The following NUDCD3 variants were observed in gnomAD, a reference collection of about 807,000 sequenced individuals.
NUDCD3 encodes nudC domain-containing protein 3.
A neutral mutation model predicts 39.7 loss-of-function variants in NUDCD3; 13 were observed. The ratio of observed to expected loss-of-function variants is 0.33; its 90% CI spans 0.21 to 0.52. NUDCD3 has a LOEUF of 0.52. Ranked by LOEUF, NUDCD3 falls within the 20% of genes least tolerant of loss-of-function variation. The probability of loss-of-function intolerance (pLI) is 0.96; values close to 1 mark genes in which losing one functional copy is unlikely to be tolerated. For missense variants in NUDCD3, 453 were observed against 458.1 expected, an observed-to-expected ratio of 0.99 and a Z score of 0.10; for synonymous variants, 175 against 172.4, an observed-to-expected ratio of 1.02 and a Z score of -0.12.
At chr7:44,393,905 G>A (rs1261794950) in intron 4 of NUDCD3, among the ~76,000 whole-genome samples, 1 of 152,160 alleles carries the variant, frequency 6.6e-6, no homozygotes, top group Admixed American at 6.5e-5. Context: ...CCAAGAGGGA[G>A]CACTGGAGAC....
intron 4 of NUDCD3, among the ~76,000 whole-genome samples, chr7:44,399,756 A>G (rs1374929245): frequency 6.6e-6 from 1 of 152,220 alleles, no homozygotes; most frequent in Admixed American, 6.5e-5. Context: ...CTGCAGTTAC[A>G]CTAGAATTCC....
rs374764975 is a variant in NUDCD3 at position 44,383,863 on chromosome 7, G to T, written c.*2148C>A. On this transcript the variant is annotated 3_prime_UTR_variant, in exon 6 of 6. Coordinates refer to ENST00000355451, the MANE Select transcript of NUDCD3 (RefSeq NM_015332.4). ...CACCAGACAGCGTGGCTCAACGGGA[G>T]CAAGGCGCGCAGGGACAGGCTCCAC... 3 of 152,282 alleles carry T rather than the reference G, an allele frequency of 2.0e-5. No individual in the cohort carries two copies. The East Asian group carries it at 5.8e-4, about 29-fold the overall frequency. The allele number at this position is 152,282 out of a possible 1,614,324, so 9.4% of individuals were successfully genotyped here.
rs139603553 is a variant in NUDCD3, at chr7:44,442,042, C to T, written c.510-14339G>A. 4.6e-5 allele frequency among the ~76,000 whole-genome samples: 7 copies of T among 152,300 alleles called. No homozygotes were observed. The East Asian group carries it at 1.3e-3, about 29-fold the overall frequency. ...TTATAAAACTTACAAAATGGGAGCA[C>T]ATGAGTACCTTCCTCAAAGATGTTC... On this transcript the variant is annotated intron_variant, in intron 2 of 5. Coordinates refer to ENST00000355451, the MANE Select transcript of NUDCD3 (RefSeq NM_015332.4).
At chr7:44,429,767 A>G (rs1799316696) in intron 2 of NUDCD3, among the ~76,000 whole-genome samples, 1 of 152,206 alleles carries the variant, frequency 6.6e-6, no homozygotes, top group Non-Finnish European at 1.5e-5. Context: ...TGACATACAG[A>G]AACCAGGAGT....
At chr7:44,468,087 A>G (rs531421559) in intron 2 of NUDCD3, 5 of 1,611,800 alleles carry the variant, frequency 3.1e-6, no homozygotes, top group African/African-American at 2.7e-5. Flanking sequence ...GGGAGCAACA[A>G]AAAAACAAAG....
chr7:44,392,416 C>T lies in NUDCD3; in HGVS notation c.856G>A (p.Asp286Asn). ...ILEGEEPIDI[D>N]KINKERSMAT... Reference sequence around the variant, plus strand: ...ATGGAGCGCTCCTTGTTGATCTTGTCAATGTCGATGGGCTCTTCTCCCTCC... The same window carrying T: ...ATGGAGCGCTCCTTGTTGATCTTGTTAATGTCGATGGGCTCTTCTCCCTCC... The change falls in exon 5 of 6, where the codon GAC becomes AAC. Residue 286 changes from aspartate to asparagine, a missense_variant. Coordinates refer to ENST00000355451, the MANE Select transcript of NUDCD3 (RefSeq NM_015332.4). 1 of 1,614,152 alleles carries T rather than the reference C, an allele frequency of 6.2e-7. No individual in the cohort carries two copies. The highest frequency in any genetic ancestry group is 8.5e-7 in the Non-Finnish European group (1 of 1,180,018).
chr7:44,486,933 T>G (rs930714984), intron 1 of NUDCD3, among the ~76,000 whole-genome samples: 5 of 152,178 alleles, frequency 3.3e-5, no homozygotes. Context: ...GGAAGAGAAC[T>G]CTAATCTGTA....
chr7:44,394,885 C>G (rs115560367), intron 4 of NUDCD3, among the ~76,000 whole-genome samples: 1 of 152,184 alleles, frequency 6.6e-6, no homozygotes, highest in Non-Finnish European at 1.5e-5. Context: ...TCCAAACACA[C>G]ACCCAGAGTG....
chr7:44,446,391 A>G (rs1799691277), intron 2 of NUDCD3, among the ~76,000 whole-genome samples: 1 of 152,240 alleles, frequency 6.6e-6, no homozygotes, highest in Admixed American at 6.5e-5. Flanking sequence ...ATCTCTGCAA[A>G]CAGTACTTTT....
chr7:44,424,938 T>C (rs1043746546), intron 3 of NUDCD3, among the ~76,000 whole-genome samples: 1 of 152,214 alleles, frequency 6.6e-6, no homozygotes, highest in Non-Finnish European at 1.5e-5. Flanking sequence ...GTAGCATATA[T>C]ACACCACGGA....
In NUDCD3 at chr7:44,383,303, AC is replaced by A. The variant is rs1798340698; in HGVS notation, c.*2707del. ...TGGAATCATTCCCAACTCTGCACTC[AC>A]CCTAAGCTTTCCAGTAACTACAGAA... On this transcript the variant is annotated 3_prime_UTR_variant, in exon 6 of 6. Transcript: ENST00000355451. The A allele has an allele frequency of 6.6e-6, 1 of 152,254 alleles. No homozygotes were observed. The highest frequency in any genetic ancestry group is 2.4e-5 in the African/African-American group (1 of 41,454). 9.4% of individuals were successfully genotyped at this position (152,254 alleles called of 1,614,324 possible).
chr7:44,382,566 C>G lies in NUDCD3; in HGVS notation c.*3445G>C, dbSNP rs1798323170. 1 of 152,324 alleles carries G rather than the reference C, an allele frequency of 6.6e-6. No homozygotes were observed. The highest frequency in any genetic ancestry group is 2.1e-4 in the South Asian group (1 of 4,834). The allele number at this position is 152,324 out of a possible 1,614,324, so 9.4% of individuals were successfully genotyped here. A position where few individuals can be genotyped will look rare whatever the true frequency, so the allele number is the denominator to read the frequency against. On this transcript the variant is annotated 3_prime_UTR_variant, in exon 6 of 6. Coordinates refer to ENST00000355451, the MANE Select transcript of NUDCD3 (RefSeq NM_015332.4). ...CTGGTTTAAATGCCTGTTCCCCAGA[C>G]CCCACAGTCAGACGGTAGAGAGGAG...
chr7:44,442,730 CTT>C (rs1343538939), intron 2 of NUDCD3, among the ~76,000 whole-genome samples: 2 of 136,298 alleles, frequency 1.5e-5, no homozygotes, highest in Admixed American at 7.9e-5. Flanking sequence ...GAGTCTCACT[CTT>C]TGGCCCAGGC....
chr7:44,490,335 T>C, intron 1 of NUDCD3, 74 bp downstream of exon 1: 5 of 1,365,508 alleles, frequency 3.7e-6, no homozygotes, highest in Non-Finnish European at 4.8e-6. Context: ...TGGGAGAGCT[T>C]GGAGGAGCGG....
At chr7:44,401,494 T>C (rs1286478040) in intron 4 of NUDCD3, among the ~76,000 whole-genome samples, 3 of 152,182 alleles carry the variant, frequency 2.0e-5, no homozygotes, top group Admixed American at 1.3e-4. Context: ...GGGAGCACTA[T>C]GGGAAGAGTT....
At chr7:44,424,650 G>A (rs1056123756) in intron 3 of NUDCD3, among the ~76,000 whole-genome samples, 22 of 152,308 alleles carry the variant, frequency 1.4e-4, no homozygotes, top group Non-Finnish European at 2.8e-4. Flanking sequence ...AGATGCTGGC[G>A]AGAATGTGGA....
intron 1 of NUDCD3, 49 bp downstream of exon 1, chr7:44,490,360 G>A: frequency 6.8e-7 from 1 of 1,472,838 alleles, no homozygotes; most frequent in Non-Finnish European, 9.0e-7. Flanking sequence ...CAGGAGTCAG[G>A]GCAGGCCGGG....
chr7:44,487,884 G>A (rs577357348), intron 1 of NUDCD3, among the ~76,000 whole-genome samples: 100 of 151,912 alleles, frequency 6.6e-4, no homozygotes, highest in African/African-American at 2.3e-3. Flanking sequence ...AACCTGGGAG[G>A]AGGAGGTGCA....
intron 3 of NUDCD3, among the ~76,000 whole-genome samples, chr7:44,409,286 C>T (rs1164761346): frequency 6.6e-6 from 1 of 152,140 alleles, no homozygotes; most frequent in Non-Finnish European, 1.5e-5. Context: ...AAGGTATGCT[C>T]CAACAGGTAG....
Sources: allele counts gnomAD v4.1 joint callset (sites outside exome capture counted in the v4.1 genomes callset), GRCh38; gene constraint gnomAD v4.1.1; transcripts MANE v1.5; gene names NCBI Gene and HGNC (gene_info 2026-07-23, HGNC 2026-07-21).